The following LRBA variants were observed in gnomAD, a reference collection of about 807,000 sequenced individuals.
LRBA encodes lipopolysaccharide-responsive and beige-like anchor protein.
Under a neutral mutation model 330.0 loss-of-function variants are expected in LRBA, and 176 were observed. That is an observed-to-expected ratio of 0.53 (90% CI 0.47 to 0.60). The LOEUF (loss-of-function observed/expected upper bound fraction) is 0.60. LRBA is among the 20% of genes least tolerant of loss of function. LRBA has a pLI of 0.00. For missense variants in LRBA, 3,259 were observed against 3,444.8 expected (o/e 0.95, Z 1.35); for synonymous variants, 1,230 against 1,193.0 (o/e 1.03, Z -0.64).
chr4:150,415,636 C>G (rs1747628609), intron 46 of LRBA, 46 bp from the exon 47 acceptor site: 1 of 1,116,806 alleles, frequency 9.0e-7, no homozygotes, highest in Non-Finnish European at 1.3e-6. Flanking sequence ...CTGTAGGATA[C>G]TGACTAGATA....
At chr4:150,963,284 T>C (rs1476009695) in intron 2 of LRBA, among the ~76,000 whole-genome samples, 6 of 148,820 alleles carry the variant, frequency 4.0e-5, no homozygotes, top group Non-Finnish European at 8.8e-5. Flanking sequence ...GCAGCCTCCC[T>C]GCCTGATTCT....
chr4:150,985,816 G>T (rs916372637), intron 2 of LRBA, among the ~76,000 whole-genome samples: 13 of 151,868 alleles, frequency 8.6e-5, no homozygotes, highest in African/African-American at 3.1e-4. Context: ...CGTTTTTAAT[G>T]GTCATATTTT....
Position 150,906,330 on chromosome 4 carries a change from CT to C in LRBA, c.1568del (p.Lys523ArgfsTer5). On this transcript the variant is annotated frameshift_variant, in exon 12 of 57. Coordinates refer to ENST00000651943, the MANE Select transcript of LRBA (RefSeq NM_001364905.1). LOFTEE classifies it high-confidence loss of function. ...IAMQEQMLAC[K>X]GFLVIGYSLE... ...GGCTATATCCTATTACCAAGAAGCC[CT>C]TACAGGCAAGCATCTGTTCCTGCAT... The C allele has an allele frequency of 6.2e-7, 1 of 1,610,342 alleles. No individual in the cohort carries two copies. The highest frequency in any genetic ancestry group is 8.5e-7 in the Non-Finnish European group (1 of 1,176,916).
chr4:150,445,385 A>C (rs200616056), intron 44 of LRBA, among the ~76,000 whole-genome samples: 32,104 of 81,972 alleles, frequency 0.39, 4,470 homozygotes, highest in Non-Finnish European at 0.41. Flanking sequence ...CTCTATATAT[A>C]TATATATATA....
chr4:150,993,224 T>C (rs1247444689), intron 2 of LRBA, among the ~76,000 whole-genome samples: 2 of 152,210 alleles, frequency 1.3e-5, no homozygotes, highest in South Asian at 2.1e-4. Context: ...GATTTCCTAG[T>C]TTTTCAAAAA....
At chr4:150,503,971 C>G (rs1050311764) in intron 40 of LRBA, among the ~76,000 whole-genome samples, 18 of 152,104 alleles carry the variant, frequency 1.2e-4, no homozygotes, top group African/African-American at 4.3e-4. Flanking sequence ...CCGATGCGAT[C>G]AACTGGAAGA....
At chr4:150,796,233 T>A (rs1182009701) in intron 34 of LRBA, among the ~76,000 whole-genome samples, 4 of 151,984 alleles carry the variant, frequency 2.6e-5, no homozygotes, top group African/African-American at 7.2e-5. Flanking sequence ...TAAGCTTTCA[T>A]GTAGAAAAAG....
intron 47 of LRBA, among the ~76,000 whole-genome samples, chr4:150,364,441 A>G (rs1739150939): frequency 6.6e-6 from 1 of 152,344 alleles, no homozygotes; most frequent in South Asian, 2.1e-4. Flanking sequence ...TAAATGTCAG[A>G]GTTGTGACCT....
At chr4:150,500,673 G>A (rs1399055221) in intron 40 of LRBA, among the ~76,000 whole-genome samples, 1 of 152,212 alleles carries the variant, frequency 6.6e-6, no homozygotes, top group South Asian at 2.1e-4. Context: ...AGACTATTCT[G>A]TGTAGCAGAT....
At position 150,584,087 on chromosome 4, in the gene LRBA, C is replaced by T; in HGVS notation, c.6330+3961G>A. ...TTGGCCAGGGAAATTCTCACCAATC[C>T]CAAAAGCCTGGACAAACTATAGGGT... On this transcript the variant is annotated intron_variant, in intron 40 of 56. Coordinates refer to ENST00000651943, the MANE Select transcript of LRBA (RefSeq NM_001364905.1). The T allele has an allele frequency of 5.2e-6, 8 of 1,551,488 alleles. No homozygotes were observed. The highest frequency in any genetic ancestry group is 7.0e-6 in the Non-Finnish European group (8 of 1,149,364).
In LRBA at chr4:150,806,403, T is replaced by C; in HGVS notation, c.5386A>G (p.Ile1796Val). Residue 1796 changes from isoleucine to valine, a missense_variant and splice_region_variant, in exon 33 of 57, where the codon ATT (isoleucine) becomes GTT (valine). Physicochemically the swap from Ile to Val is conservative, Grantham distance 29. Coordinates refer to ENST00000651943, the MANE Select transcript of LRBA (RefSeq NM_001364905.1). ...VSQDPVSNMS[I>V]TERLEHALEK... Reference sequence around the variant, plus strand: ...AAAGCGTGTTCAAGCCTCTCTGTAATACTAAGGAAAAGACATTAAGTTACT... The same window carrying C: ...AAAGCGTGTTCAAGCCTCTCTGTAACACTAAGGAAAAGACATTAAGTTACT... The C allele has an allele frequency of 1.3e-6, 2 of 1,589,840 alleles. No individual in the cohort carries two copies. Among genetic ancestry groups the C allele is most frequent in the Non-Finnish European group, 1.7e-6 (2 of 1,171,042 alleles).
At chr4:150,644,151 T>C (rs1778927368) in intron 37 of LRBA, among the ~76,000 whole-genome samples, 1 of 151,978 alleles carries the variant, frequency 6.6e-6, no homozygotes, top group Non-Finnish European at 1.5e-5. Flanking sequence ...CTGAATTATT[T>C]TGTTTTAGAA....
At chr4:150,831,774 T>C in intron 29 of LRBA, 43 bp downstream of exon 29, 1 of 1,460,098 alleles carries the variant, frequency 6.8e-7, no homozygotes, top group South Asian at 1.4e-5. Context: ...TAAGTAACAT[T>C]TATTTGAACT....
In LRBA at chr4:150,828,215, A is replaced by G. The variant is rs1578911494; in HGVS notation, c.5136T>C (p.Ser1712=). The change falls in exon 30 of 57, where the codon TCT becomes TCC. Residue 1712 remains serine, a synonymous_variant. Transcript: ENST00000651943. Reference sequence around the variant, plus strand: ...ATCTGAACTGCACGGGTTGTTCCACAGATAGATCACCAAGGGCTCCAAGGC... The same window carrying G: ...ATCTGAACTGCACGGGTTGTTCCACGGATAGATCACCAAGGGCTCCAAGGC... ...PACLGALGDL[S]VEQPVQFRSF... is the part of the protein sequence containing the mutation. 3 of 1,614,108 alleles carry G rather than the reference A, an allele frequency of 1.9e-6. No individual in the cohort carries two copies. In the South Asian group the frequency reaches 3.3e-5, roughly 18 times the overall value.
chr4:150,522,895 G>C (rs967188872), intron 40 of LRBA, among the ~76,000 whole-genome samples: 1 of 152,190 alleles, frequency 6.6e-6, no homozygotes, highest in Non-Finnish European at 1.5e-5. Context: ...GCCCCCACTA[G>C]GGCAATGCCT....
At chr4:150,492,866 T>C (rs562932055) in intron 40 of LRBA, among the ~76,000 whole-genome samples, 2 of 152,284 alleles carry the variant, frequency 1.3e-5, no homozygotes, top group East Asian at 3.9e-4. Context: ...TCTCCTCTTA[T>C]GTCACCTCTG....
At chr4:150,285,743 T>A (rs1748062400) in intron 54 of LRBA, among the ~76,000 whole-genome samples, 190 bp downstream of exon 54, 1 of 152,248 alleles carries the variant, frequency 6.6e-6, no homozygotes, top group Non-Finnish European at 1.5e-5. Flanking sequence ...ACCTGCAATG[T>A]GGCTAGTGCC....
rs1315765485 is a variant in LRBA, at chr4:150,910,070, T to C, written c.1162-1213A>G. On this transcript the variant is annotated intron_variant, in intron 9 of 56. Coordinates refer to ENST00000651943, the MANE Select transcript of LRBA (RefSeq NM_001364905.1). ...CTGGATATTAACTCCTTATCAGATA[T>C]ATGATTGCTAAATATTTTCTCTCAC... 3.9e-5 allele frequency among the ~76,000 whole-genome samples: 6 copies of C among 152,304 alleles called. No homozygotes were observed. The South Asian group carries it at 6.2e-4, about 16-fold the overall frequency.
chr4:150,272,069 A>T (rs773139375), intron 56 of LRBA, among the ~76,000 whole-genome samples: 6 of 152,118 alleles, frequency 3.9e-5, no homozygotes, highest in Non-Finnish European at 5.9e-5. Context: ...TGACTGGGAG[A>T]CACCTCATAC....
Sources: allele counts gnomAD v4.1 joint callset (sites outside exome capture counted in the v4.1 genomes callset), GRCh38; gene constraint gnomAD v4.1.1; transcripts MANE v1.5; gene names NCBI Gene and HGNC (gene_info 2026-07-23, HGNC 2026-07-21).